Variants in PRORP observed in about 807,000 individuals in gnomAD.
The protein encoded by PRORP is mitochondrial ribonuclease P catalytic subunit.
Under a neutral mutation model 59.4 loss-of-function variants are expected in PRORP, and 51 were observed. That is an observed-to-expected ratio of 0.86 (90% CI 0.69 to 1.08). The LOEUF is 1.08. Among genes scored for constraint, PRORP ranks in the 50% least tolerant of loss-of-function variants. The pLI, the probability that PRORP is intolerant of heterozygous loss-of-function variation, is 0.00. For missense variants in PRORP, 646 were observed against 690.3 expected (o/e 0.94, Z 0.72); for synonymous variants, 231 against 245.6 (o/e 0.94, Z 0.55).
At chr14:35,201,367 A>G (rs1055564586) in intron 5 of PRORP, among the ~76,000 whole-genome samples, 10 of 152,030 alleles carry the variant, frequency 6.6e-5, no homozygotes, top group Non-Finnish European at 1.0e-4. Context: ...AGGGCAGAGT[A>G]TTTACGTAAA....
intron 5 of PRORP, among the ~76,000 whole-genome samples, chr14:35,197,179 T>C (rs1272789643): frequency 6.6e-6 from 1 of 152,202 alleles, no homozygotes; most frequent in Non-Finnish European, 1.5e-5. Context: ...GTGTCATTGA[T>C]AATGTCTGTG....
chr14:35,203,893 A>G (rs2049224355), intron 5 of PRORP, among the ~76,000 whole-genome samples: 1 of 152,204 alleles, frequency 6.6e-6, no homozygotes, highest in Non-Finnish European at 1.5e-5. Context: ...GATAGAACCA[A>G]TCATTTTATT....
intron 5 of PRORP, among the ~76,000 whole-genome samples, chr14:35,222,015 C>T (rs543191832): frequency 2.6e-4 from 40 of 152,262 alleles, no homozygotes; most frequent in Admixed American, 1.9e-3. Flanking sequence ...CTTTCTCCAC[C>T]ATTTCCACCT....
At chr14:35,186,274 T>A (rs893364702) in intron 5 of PRORP, among the ~76,000 whole-genome samples, 3 of 151,636 alleles carry the variant, frequency 2.0e-5, no homozygotes. Context: ...TAAACCACCA[T>A]GCCGCCTAGA....
At chr14:35,148,511 T>C (rs1239947136) in intron 4 of PRORP, among the ~76,000 whole-genome samples, 2 of 152,190 alleles carry the variant, frequency 1.3e-5, no homozygotes, top group African/African-American at 2.4e-5. Context: ...CTTTGTTCCA[T>C]TGATAGAGCA....
chr14:35,196,283 TG>T (rs1290394935), intron 5 of PRORP, among the ~76,000 whole-genome samples: 3 of 152,188 alleles, frequency 2.0e-5, no homozygotes, highest in African/African-American at 7.2e-5. Context: ...GAGACCGGCC[TG>T]GGCAACATAG....
chr14:35,187,028 G>C (rs1035993325), intron 5 of PRORP, among the ~76,000 whole-genome samples: 6 of 152,126 alleles, frequency 3.9e-5, no homozygotes, highest in Non-Finnish European at 7.3e-5. Flanking sequence ...CCATTGTATG[G>C]ATATGCCACA....
chr14:35,162,660 T>A (rs1175323768), intron 4 of PRORP, among the ~76,000 whole-genome samples: 1 of 152,056 alleles, frequency 6.6e-6, no homozygotes, highest in African/African-American at 2.4e-5. Context: ...TTTGTCAGAC[T>A]TTCCTTTTAT....
chr14:35,147,582 C>T (rs1192172541), intron 4 of PRORP, among the ~76,000 whole-genome samples: 1 of 152,072 alleles, frequency 6.6e-6, no homozygotes, highest in African/African-American at 2.4e-5. Flanking sequence ...TGGGCTCAAA[C>T]GATCCACCCA....
intron 5 of PRORP, among the ~76,000 whole-genome samples, chr14:35,225,021 A>G (rs1345212323): frequency 2.0e-5 from 3 of 152,084 alleles, no homozygotes; most frequent in Non-Finnish European, 4.4e-5. Flanking sequence ...ATTTCTACCT[A>G]TCCATGTTCA....
At position 35,166,530 on chromosome 14, in the gene PRORP, A is replaced by G. The variant is rs995588850; in HGVS notation, c.1168-14140A>G. Among the ~76,000 whole-genome samples the G allele has an allele frequency of 2.7e-5, 4 of 147,710 alleles. No homozygotes were observed. In the Admixed American group the frequency reaches 2.8e-4, roughly 10 times the overall value. On this transcript the variant is annotated intron_variant, in intron 4 of 7. Coordinates refer to ENST00000534898, the MANE Select transcript of PRORP (RefSeq NM_014672.4). ...AGTGGTGTAATCTAGGCTCACTGCA[A>G]CCTCTGCCTCCTGGATTCAAGCGAT...
Position 35,123,988 on chromosome 14 carries a change from A to T in PRORP, c.743A>T (p.Asn248Ile). ...ATAACTCCTTCAAAAAAGAACTATA[A>T]TGACTGTATCCAGGGAGCTCTCCTT... ...KVITPSKKNY[N>I]DCIQGALLHQ... Residue 248 changes from asparagine to isoleucine, a missense_variant, in exon 2 of 8, where the codon AAT becomes ATT. Asn to Ile is a moderately radical substitution (Grantham distance 149, BLOSUM62 -3). Coordinates refer to ENST00000534898, the MANE Select transcript of PRORP (RefSeq NM_014672.4). 1.2e-6 allele frequency: 2 copies of T among 1,614,134 alleles called. No homozygotes were observed. Among genetic ancestry groups the T allele is most frequent in the Non-Finnish European group, 1.7e-6 (2 of 1,180,014 alleles).
At chr14:35,141,013 C>T (rs1192188856) in intron 4 of PRORP, among the ~76,000 whole-genome samples, 2 of 145,522 alleles carry the variant, frequency 1.4e-5, no homozygotes, top group Non-Finnish European at 3.1e-5. Context: ...AGATATCTGT[C>T]ATTTCTGTGT....
chr14:35,270,699 T>G, intron 7 of PRORP, 103 bp downstream of exon 7: 1 of 1,087,422 alleles, frequency 9.2e-7, no homozygotes. Context: ...TGCAAATGCT[T>G]TATTTTTCTC....
At chr14:35,148,291 A>G (rs560264054) in intron 4 of PRORP, among the ~76,000 whole-genome samples, 1 of 152,360 alleles carries the variant, frequency 6.6e-6, no homozygotes, top group East Asian at 1.9e-4. Flanking sequence ...TTACTCTTTT[A>G]TCCATGGGCT....
chr14:35,251,323 A>T (rs1286810727), intron 5 of PRORP, among the ~76,000 whole-genome samples: 1 of 152,196 alleles, frequency 6.6e-6, no homozygotes, highest in East Asian at 1.9e-4. Flanking sequence ...ACACAAGTTT[A>T]TAGCAGCACA....
chr14:35,241,404 G>A (rs979447012), intron 5 of PRORP, among the ~76,000 whole-genome samples: 1 of 151,950 alleles, frequency 6.6e-6, no homozygotes, highest in South Asian at 2.1e-4. Flanking sequence ...TACGAGGATG[G>A]CAATTTTATA....
intron 4 of PRORP, among the ~76,000 whole-genome samples, chr14:35,128,680 A>T (rs1479097392): frequency 6.6e-6 from 1 of 151,866 alleles, no homozygotes; most frequent in Admixed American, 6.6e-5. Context: ...ATTTGTTGTA[A>T]TGTCTTCTTT....
At chr14:35,229,137 A>G (rs562785573) in intron 5 of PRORP, among the ~76,000 whole-genome samples, 1 of 152,088 alleles carries the variant, frequency 6.6e-6, no homozygotes, top group Admixed American at 6.5e-5. Flanking sequence ...TTGTAATGGG[A>G]CTATTTGTTT....
Sources: allele counts gnomAD v4.1 joint callset (sites outside exome capture counted in the v4.1 genomes callset), GRCh38; gene constraint gnomAD v4.1.1; transcripts MANE v1.5; gene names NCBI Gene and HGNC (gene_info 2026-07-23, HGNC 2026-07-21).